SIPA1: variants seen among roughly 807,000 people sequenced by gnomAD.
SIPA1 encodes the protein signal-induced proliferation-associated 1.
SIPA1 carries 51 observed loss-of-function variants against 88.1 expected under a neutral mutation model. That is an observed-to-expected ratio of 0.58 (90% CI 0.46 to 0.73). SIPA1 has a LOEUF of 0.73. Among genes scored for constraint, SIPA1 ranks in the 30% least tolerant of loss-of-function variants. The pLI, the probability that SIPA1 is intolerant of heterozygous loss-of-function variation, is 0.00. For synonymous variants in SIPA1, 681 were observed against 664.8 expected (o/e 1.02, Z -0.37); for missense variants, 1,348 against 1,467.6 (o/e 0.92, Z 1.33).
At chr11:65,648,550 C>T (rs755789595) in intron 9 of SIPA1, among the ~76,000 whole-genome samples, 1 of 151,988 alleles carries the variant, frequency 6.6e-6, no homozygotes, top group Non-Finnish European at 1.5e-5. Flanking sequence ...ATGTAAAATC[C>T]GGACCGGGCG....
Position 65,644,952 on chromosome 11 carries a change from C to T in SIPA1, c.985-3C>T. On this transcript the variant is annotated splice_region_variant and splice_polypyrimidine_tract_variant and intron_variant, in intron 4 of 15. Coordinates refer to ENST00000534313, the MANE Select transcript of SIPA1 (RefSeq NM_006747.4). ...ACCTATGCCTTCTGTCTCCCACCCA[C>T]AGCTGAGCTTCCAACGCAAGGTGGG... is the stretch of plus-strand genomic sequence containing the variant. The T allele has an allele frequency of 6.2e-7, 1 of 1,611,048 alleles. No individual in the cohort carries two copies.
Position 65,649,792 on chromosome 11 carries a change from G to A in SIPA1, c.2673G>A (p.Lys891=), listed in dbSNP as rs143791554. 5.3e-5 allele frequency: 86 copies of A among 1,613,946 alleles called. 2 individuals carry two copies. The South Asian group carries it at 5.7e-4, about 11-fold the overall frequency. Residue 891 remains lysine, a synonymous_variant, in exon 12 of 16, where the codon AAG becomes AAA. Coordinates refer to ENST00000534313, the MANE Select transcript of SIPA1 (RefSeq NM_006747.4). ...RPGSPSGSED[K]GNPAPELRAS... is the part of the protein sequence containing the mutation. ...GCAGTCCCAGTGGCTCTGAGGACAA[G>A]GGCAACCCGGCGCCGGAGCTGAGGG...
rs767617847 is a variant in SIPA1 at position 65,642,403 on chromosome 11, C to A, written c.807+26C>A. ...GTGGGCCGGGATCGCGGGATCAGGA[C>A]GTGGGTTGCCTCCCCGACACCTTGT... On this transcript the variant is annotated intron_variant, in intron 3 of 15. Transcript: ENST00000534313. This position sits in a 1 kb window ranked among gnomAD's most constrained non-coding sequence, Gnocchi z 6.5. The A allele has an allele frequency of 5.0e-6, 8 of 1,593,846 alleles. No homozygotes were observed.
In SIPA1 at chr11:65,650,017, T is replaced by C; in HGVS notation, c.2814T>C (p.Thr938=). 6.2e-7 allele frequency: 1 copy of C among 1,613,910 alleles called. No homozygotes were observed. Among genetic ancestry groups the C allele is most frequent in the South Asian group, 1.1e-5 (1 of 91,064 alleles). The change falls in exon 13 of 16, where the codon ACT becomes ACC. Residue 938 remains threonine (T), a synonymous_variant. Transcript: ENST00000534313. ...EWQAISEIAS[T]CNTILESLSR... ...AGGCCATCTCGGAGATTGCCTCTAC[T>C]TGCAACACCATTCTGGAGTCGCTGT...
At chr11:65,638,784 G>A (rs1029537513) in intron 1 of SIPA1, among the ~76,000 whole-genome samples, 7 of 152,230 alleles carry the variant, frequency 4.6e-5, no homozygotes, top group African/African-American at 1.2e-4. Flanking sequence ...GGCAGAGCCC[G>A]AGAACACCCC....
chr11:65,645,227 G>C, intron 5 of SIPA1, 98 bp downstream of exon 5: 2 of 1,252,094 alleles, frequency 1.6e-6, no homozygotes, highest in Non-Finnish European at 2.2e-6. Flanking sequence ...CCTGGGGCTG[G>C]GGACTGGAGA....
chr11:65,640,921 C>T lies in SIPA1; in HGVS notation c.-1C>T. On this transcript the variant is annotated 5_prime_UTR_variant, in exon 2 of 16. Transcript: ENST00000534313. ...CCCCCGGAGAGTCAGGCCCACAGAG[C>T]ATGCCCATGTGGGCCGGCGGTGTGG... The T allele has an allele frequency of 6.6e-7, 1 of 1,507,864 alleles. No homozygotes were observed. The highest frequency in any genetic ancestry group is 8.8e-7 in the Non-Finnish European group (1 of 1,137,612). The allele number at this position is 1,507,864 out of a possible 1,614,324, so 93.4% of individuals were successfully genotyped here.
At position 65,650,780 on chromosome 11, in the gene SIPA1, T is replaced by A; in HGVS notation, c.*65T>A. On this transcript the variant is annotated 3_prime_UTR_variant, in exon 16 of 16. Transcript: ENST00000534313. ...CACACTGGGCCCTCCTCAGGAACTC[T>A]CCCTGCGCAGAGGCGTGTCTTAGCA... is the stretch of plus-strand genomic sequence containing the variant. 1 of 1,455,628 alleles carries A rather than the reference T, an allele frequency of 6.9e-7. No homozygotes were observed. The allele number at this position is 1,455,628 out of a possible 1,614,324, so 90.2% of individuals were successfully genotyped here.
In SIPA1 at chr11:65,649,821, CCTTT is replaced by C; in HGVS notation, c.2705_2708del (p.Phe902CysfsTer107). 1 of 1,614,134 alleles carries C rather than the reference CCTTT, an allele frequency of 6.2e-7. No individual in the cohort carries two copies. The highest frequency in any genetic ancestry group is 8.5e-7 in the Non-Finnish European group (1 of 1,180,026). On this transcript the variant is annotated frameshift_variant, in exon 12 of 16. Transcript: ENST00000534313. LOFTEE classifies it high-confidence loss of function. Reference sequence around the variant, plus strand: ...AACCCGGCGCCGGAGCTGAGGGCCTCCTTTCTGCCACGTACCTTGTCTCTGCGGA... The same window carrying C: ...AACCCGGCGCCGGAGCTGAGGGCCTCCTGCCACGTACCTTGTCTCTGCGGA...
Position 65,646,214 on chromosome 11 carries a change from C to T in SIPA1, c.1264-7C>T, listed in dbSNP as rs777067617. On this transcript the variant is annotated splice_region_variant and splice_polypyrimidine_tract_variant and intron_variant, in intron 6 of 15. Transcript: ENST00000534313. This position sits in a 1 kb window ranked among gnomAD's most constrained non-coding sequence, Gnocchi z 7.5. The stretch of plus-strand genomic sequence containing the variant: ...CTCATCACGAGCCCCTACTATCCAA[C>T]CCCTAGCTCCTCCGGAAGCGCCACA... 7 of 1,613,614 alleles carry T rather than the reference C, an allele frequency of 4.3e-6. No homozygotes were observed. The East Asian group carries it at 6.7e-5, about 15-fold the overall frequency.
chr11:65,644,951 A>ACAGCTGAGC lies in SIPA1; in HGVS notation c.985-3_990dup. The ACAGCTGAGC allele has an allele frequency of 6.2e-7, 1 of 1,610,864 alleles. No individual in the cohort carries two copies. Among genetic ancestry groups the ACAGCTGAGC allele is most frequent in the Non-Finnish European group, 8.5e-7 (1 of 1,177,906 alleles). ...GACCTATGCCTTCTGTCTCCCACCC[A>ACAGCTGAGC]CAGCTGAGCTTCCAACGCAAGGTGG... On this transcript the variant is annotated splice_polypyrimidine_tract_variant and splice_region_variant and intron_variant, in intron 4 of 15. Coordinates refer to ENST00000534313, the MANE Select transcript of SIPA1 (RefSeq NM_006747.4).
In SIPA1 at chr11:65,642,141, T is replaced by G; in HGVS notation, c.680-109T>G. 8 of 1,404,036 alleles carry G rather than the reference T, an allele frequency of 5.7e-6. No individual in the cohort carries two copies. Among genetic ancestry groups the G allele is most frequent in the Non-Finnish European group, 7.7e-6 (8 of 1,039,004 alleles). 87.0% of individuals were successfully genotyped at this position (1,404,036 alleles called of 1,614,324 possible). A position where few individuals can be genotyped will look rare whatever the true frequency, so the allele number is the denominator to read the frequency against. ...GGCGGGACTTAGTCTAGGGTCAACA[T>G]TTGGTGGTGAGATGAAGCCTAGGGC... On this transcript the variant is annotated intron_variant, in intron 2 of 15. Coordinates refer to ENST00000534313, the MANE Select transcript of SIPA1 (RefSeq NM_006747.4). This position sits in a 1 kb window ranked among gnomAD's most constrained non-coding sequence, Gnocchi z 6.5.
chr11:65,641,130 C>A lies in SIPA1; in HGVS notation c.209C>A (p.Ala70Asp), dbSNP rs763969237. ...CCCCCCACGCCAGCCAGCCCCCGTGCCCGTGCCCACAGCCACGAAGAGGCC... is the reference window on the plus strand; with the variant it reads ...CCCCCCACGCCAGCCAGCCCCCGTGACCGTGCCCACAGCCACGAAGAGGCC... Reference protein sequence around the residue: ...ARPPTPASPRARAHSHEEASR... With the variant: ...ARPPTPASPRDRAHSHEEASR... Residue 70 changes from alanine (A) to aspartate (D), a missense_variant, in exon 2 of 16, where the codon GCC becomes GAC. Ala to Asp is a moderately radical substitution (Grantham distance 126). Coordinates refer to ENST00000534313, the MANE Select transcript of SIPA1 (RefSeq NM_006747.4). 1.9e-6 allele frequency: 3 copies of A among 1,603,044 alleles called. No homozygotes were observed. The highest frequency in any genetic ancestry group is 1.7e-6 in the Non-Finnish European group (2 of 1,179,298).
chr11:65,647,282 C>T (rs1856144509), intron 8 of SIPA1, 102 bp from the exon 9 acceptor site: 1 of 1,371,078 alleles, frequency 7.3e-7, no homozygotes. Context: ...CCCTCGGGGA[C>T]TGTGGAAAGT....
At chr11:65,647,828 GTCTC>G (rs764139456) in intron 9 of SIPA1, among the ~76,000 whole-genome samples, 170 bp downstream of exon 9, 7 of 139,898 alleles carry the variant, frequency 5.0e-5, no homozygotes, top group Admixed American at 1.6e-4. Flanking sequence ...TCCTGTCTCT[GTCTC>G]TCTCTCTTTC....
chr11:65,638,228 C>T (rs4930156), intron 1 of SIPA1, 46 bp downstream of exon 1: 41,664 of 152,162 alleles, frequency 0.27, 6,420 homozygotes, highest in Non-Finnish European at 0.36. Flanking sequence ...TCGGGCCCGA[C>T]AGGGGAGAGG....
chr11:65,642,275 C>G lies in SIPA1; in HGVS notation c.705C>G (p.Asp235Glu). 1 of 1,555,894 alleles carries G rather than the reference C, an allele frequency of 6.4e-7. No individual in the cohort carries two copies. Among genetic ancestry groups the G allele is most frequent in the Non-Finnish European group, 8.7e-7 (1 of 1,150,862 alleles). ...GKEHQNFFGM[D>E]ESLGPVAVSL... is the part of the protein sequence containing the mutation. ...AACATCAGAACTTCTTCGGGATGGA[C>G]GAGTCGCTGGGCCCGGTGGCAGTGA... The change falls in exon 3 of 16, where the codon GAC becomes GAG. Residue 235 changes from aspartate (D) to glutamate (E), a missense_variant. Asp to Glu is a conservative substitution (Grantham distance 45). This residue lies in a region of SIPA1 where 641 missense variants were observed against 797.7 expected (regional missense o/e 0.80). Coordinates refer to ENST00000534313, the MANE Select transcript of SIPA1 (RefSeq NM_006747.4). The surrounding 1 kb of genome is among the most constrained non-coding windows in gnomAD (Gnocchi z 6.5).
Position 65,640,938 on chromosome 11 carries a change from G to C in SIPA1, c.17G>C (p.Gly6Ala), listed in dbSNP as rs578008506. ...CCACAGAGCATGCCCATGTGGGCCGGCGGTGTGGGGAGCCCTCGGCGGGGC... is the reference window on the plus strand; with the variant it reads ...CCACAGAGCATGCCCATGTGGGCCGCCGGTGTGGGGAGCCCTCGGCGGGGC... MPMWA[G>A]GVGSPRRGMA... The change falls in exon 2 of 16, where the codon GGC (glycine) becomes GCC (alanine). Residue 6 changes from glycine (G) to alanine (A), a missense_variant. Physicochemically the swap from Gly to Ala is moderately conservative, Grantham distance 60. Coordinates refer to ENST00000534313, the MANE Select transcript of SIPA1 (RefSeq NM_006747.4). 1.8e-5 allele frequency: 28 copies of C among 1,524,910 alleles called. No individual in the cohort carries two copies. In the South Asian group the frequency reaches 3.4e-4, roughly 19 times the overall value. The allele number at this position is 1,524,910 out of a possible 1,614,324, so 94.5% of individuals were successfully genotyped here. A position where few individuals can be genotyped will look rare whatever the true frequency, so the allele number is the denominator to read the frequency against.
At position 65,644,953 on chromosome 11, in the gene SIPA1, A is replaced by T; in HGVS notation, c.985-2A>T. The T allele has an allele frequency of 6.2e-7, 1 of 1,611,458 alleles. No homozygotes were observed. Among genetic ancestry groups the T allele is most frequent in the Non-Finnish European group, 8.5e-7 (1 of 1,178,280 alleles). ...CCTATGCCTTCTGTCTCCCACCCAC[A>T]GCTGAGCTTCCAACGCAAGGTGGGC... On this transcript the variant is annotated splice_acceptor_variant, in intron 4 of 15. Coordinates refer to ENST00000534313, the MANE Select transcript of SIPA1 (RefSeq NM_006747.4). LOFTEE classifies it high-confidence loss of function.
Sources: allele counts gnomAD v4.1 joint callset (sites outside exome capture counted in the v4.1 genomes callset), GRCh38; gene constraint gnomAD v4.1.1; regional missense constraint gnomAD v4.1.1; non-coding constraint Gnocchi (gnomAD v3.1); transcripts MANE v1.5; gene names NCBI Gene and HGNC (gene_info 2026-07-23, HGNC 2026-07-21).